Variants in AGO1 observed in about 807,000 individuals in gnomAD.
AGO1 encodes the protein protein argonaute-1.
A neutral mutation model predicts 109.2 loss-of-function variants in AGO1; 11 were observed. That is an observed-to-expected ratio of 0.10 (90% confidence interval 0.06 to 0.17). The LOEUF (loss-of-function observed/expected upper bound fraction) is 0.17, where lower values mean the gene tolerates loss of function less well. Among genes scored for constraint, AGO1 ranks in the 10% least tolerant of loss-of-function variants. AGO1 has a pLI of 1.00. For synonymous variants in AGO1, 422 were observed against 418.6 expected, an observed-to-expected ratio of 1.01 and a Z score of -0.10; for missense variants, 574 against 1,140.3, an observed-to-expected ratio of 0.50 and a Z score of 7.15.
intron 12 of AGO1, among the ~76,000 whole-genome samples, chr1:35,912,238 A>G (rs1041200319): frequency 2.6e-5 from 4 of 151,820 alleles, no homozygotes; most frequent in Non-Finnish European, 4.4e-5. Context: ...GGGCACCTGT[A>G]GTCCCAGCTA....
At chr1:35,907,779 A>G (rs1645551233) in intron 12 of AGO1, among the ~76,000 whole-genome samples, 1 of 152,096 alleles carries the variant, frequency 6.6e-6, no homozygotes, top group Admixed American at 6.5e-5. Context: ...CCTAATGCAC[A>G]TTACCACAAT....
At chr1:35,886,797 A>G (rs1352561980) in intron 1 of AGO1, among the ~76,000 whole-genome samples, 1 of 152,028 alleles carries the variant, frequency 6.6e-6, no homozygotes, top group African/African-American at 2.4e-5. Context: ...ATGTTTGTTC[A>G]TTCATTTCAT....
rs2274261 is a variant in AGO1 at position 35,894,287 on chromosome 1, G to A, written c.785-28G>A. 8.7e-6 allele frequency: 14 copies of A among 1,613,348 alleles called. No individual in the cohort carries two copies. In the East Asian group the frequency reaches 3.1e-4, roughly 36 times the overall value. ...CTGGGCACATGAGCAACCTATTTTA[G>A]CCCTGACAAGCAGTGTGTGTATCTC... On this transcript the variant is annotated intron_variant, in intron 6 of 18. Coordinates refer to ENST00000373204, the MANE Select transcript of AGO1 (RefSeq NM_012199.5).
In AGO1 at chr1:35,928,094, G is replaced by A. The variant is rs1011523316; in HGVS notation, c.*8487G>A. On this transcript the variant is annotated 3_prime_UTR_variant, in exon 19 of 19. Coordinates refer to ENST00000373204, the MANE Select transcript of AGO1 (RefSeq NM_012199.5). ...AATAATAGCGGCAGCAGGGAGGGAA[G>A]TGTGAACTGTGTGTCCCTGAGCCTG... The A allele has an allele frequency of 6.6e-6, 1 of 152,230 alleles. No homozygotes were observed. Among genetic ancestry groups the A allele is most frequent in the Non-Finnish European group, 1.5e-5 (1 of 68,052 alleles). The allele number at this position is 152,230 out of a possible 1,614,324, so 9.4% of individuals were successfully genotyped here.
chr1:35,915,768 G>GTTCA (rs1557622303), intron 15 of AGO1, among the ~76,000 whole-genome samples: 1 of 152,176 alleles, frequency 6.6e-6, no homozygotes, highest in East Asian at 1.9e-4. Flanking sequence ...TAAGTAGTTG[G>GTTCA]TTCATGTTGG....
At position 35,892,553 on chromosome 1, in the gene AGO1, A is replaced by G; in HGVS notation, c.210-4A>G. 6.2e-7 allele frequency: 1 copy of G among 1,614,240 alleles called. No individual in the cohort carries two copies. Among genetic ancestry groups the G allele is most frequent in the East Asian group, 2.2e-5 (1 of 44,892 alleles). ...CTTCCACAGGCCACTCCTATCCCCCACAGGGAAGTGGTGGAATACATGGTC... is the reference window on the plus strand; with the variant it reads ...CTTCCACAGGCCACTCCTATCCCCCGCAGGGAAGTGGTGGAATACATGGTC... On this transcript the variant is annotated splice_polypyrimidine_tract_variant and splice_region_variant and intron_variant, in intron 2 of 18. Coordinates refer to ENST00000373204, the MANE Select transcript of AGO1 (RefSeq NM_012199.5).
chr1:35,926,643 T>G lies in AGO1; in HGVS notation c.*7036T>G, dbSNP rs905225551. 6.6e-6 allele frequency: 1 copy of G among 152,226 alleles called. No homozygotes were observed. The highest frequency in any genetic ancestry group is 1.5e-5 in the Non-Finnish European group (1 of 68,048). 9.4% of individuals were successfully genotyped at this position (152,226 alleles called of 1,614,324 possible). Reference sequence around the variant, plus strand: ...TTAGCTCACCATTTTTGTTCTAGCTTTGCAGACATTTATTCCTCTGATGAT... The same window carrying G: ...TTAGCTCACCATTTTTGTTCTAGCTGTGCAGACATTTATTCCTCTGATGAT... On this transcript the variant is annotated 3_prime_UTR_variant, in exon 19 of 19. Coordinates refer to ENST00000373204, the MANE Select transcript of AGO1 (RefSeq NM_012199.5).
chr1:35,872,601 G>A (rs965551996), intron 1 of AGO1, among the ~76,000 whole-genome samples: 3 of 147,818 alleles, frequency 2.0e-5, no homozygotes, highest in Non-Finnish European at 4.5e-5. Context: ...GAGACAGGGT[G>A]TGGCTCTGTC....
chr1:35,930,003 T>G lies in AGO1; in HGVS notation c.*10396T>G, dbSNP rs1000280959. On this transcript the variant is annotated 3_prime_UTR_variant, in exon 19 of 19. Transcript: ENST00000373204. ...TCCTTTTCCTCTTTAAAAAATTATT[T>G]TGATTAAAAAAAACCGTATTACTGA... The G allele has an allele frequency of 6.6e-6, 1 of 152,122 alleles. No homozygotes were observed. Among genetic ancestry groups the G allele is most frequent in the African/African-American group, 2.4e-5 (1 of 41,414 alleles). 9.4% of individuals were successfully genotyped at this position (152,122 alleles called of 1,614,324 possible).
At chr1:35,870,339 A>T (rs535143829) in intron 1 of AGO1, among the ~76,000 whole-genome samples, 6 of 151,544 alleles carry the variant, frequency 4.0e-5, no homozygotes, top group Admixed American at 3.9e-4. Flanking sequence ...GCTGGGGTGC[A>T]GTGGCGCCAT....
In AGO1 at chr1:35,924,575, T is replaced by C. The variant is rs1302643848; in HGVS notation, c.*4968T>C. On this transcript the variant is annotated 3_prime_UTR_variant, in exon 19 of 19. Coordinates refer to ENST00000373204, the MANE Select transcript of AGO1 (RefSeq NM_012199.5). ...TGATTAGCCAAATAGTCCCCTGGCA[T>C]AGGAGGAAGATAATGAGGGAGTGGA... 1 of 151,970 alleles carries C rather than the reference T, an allele frequency of 6.6e-6. No individual in the cohort carries two copies. Among genetic ancestry groups the C allele is most frequent in the East Asian group, 1.9e-4 (1 of 5,182 alleles). The allele number at this position is 151,970 out of a possible 1,614,324, so 9.4% of individuals were successfully genotyped here.
chr1:35,923,403 CAT>C lies in AGO1; in HGVS notation c.*3797_*3798del, dbSNP rs1476204564. On this transcript the variant is annotated 3_prime_UTR_variant, in exon 19 of 19. Coordinates refer to ENST00000373204, the MANE Select transcript of AGO1 (RefSeq NM_012199.5). ...GGTGGGACAGTTTTGGACCTGGAAT[CAT>C]GTGTAACTAACAAGGTTGGACGTTT... 1 of 152,452 alleles carries C rather than the reference CAT, an allele frequency of 6.6e-6. No homozygotes were observed. Among genetic ancestry groups the C allele is most frequent in the African/African-American group, 2.4e-5 (1 of 41,454 alleles). 9.4% of individuals were successfully genotyped at this position (152,452 alleles called of 1,614,324 possible).
intron 12 of AGO1, among the ~76,000 whole-genome samples, chr1:35,908,091 C>T (rs1198211571): frequency 6.6e-6 from 1 of 152,184 alleles, no homozygotes; most frequent in Non-Finnish European, 1.5e-5. Flanking sequence ...ATAGTGAGAC[C>T]TTGTCTCAAA....
intron 2 of AGO1, among the ~76,000 whole-genome samples, chr1:35,891,466 T>C (rs958692788): frequency 2.0e-5 from 3 of 152,238 alleles, no homozygotes; most frequent in African/African-American, 7.2e-5. Flanking sequence ...TCTACCTTTT[T>C]TGCTTATCAG....
At position 35,912,934 on chromosome 1, in the gene AGO1, TACTC is replaced by T. The variant is rs369723407; in HGVS notation, c.1583-905_1583-902del. On this transcript the variant is annotated intron_variant, in intron 12 of 18. Transcript: ENST00000373204. ...TATCCATAAAAATTTTCTTTTCCCT[TACTC>T]ACACATGTAGTCTATAACTTGAGTC... Among the ~76,000 whole-genome samples the T allele has an allele frequency of 2.6e-3, 391 of 152,226 alleles. 1 individual carries two copies. Among genetic ancestry groups the T allele is most frequent in the African/African-American group, 8.4e-3 (350 of 41,546 alleles).
intron 2 of AGO1, among the ~76,000 whole-genome samples, chr1:35,892,008 A>G (rs937816568): frequency 1.3e-5 from 2 of 151,800 alleles, no homozygotes; most frequent in African/African-American, 4.8e-5. Context: ...CTCCCAAACA[A>G]CTGGGATTAT....
rs1438787912 is a variant in AGO1 at position 35,922,859 on chromosome 1, C to A, written c.*3252C>A. The A allele has an allele frequency of 5.9e-5, 9 of 152,406 alleles. No homozygotes were observed. The highest frequency in any genetic ancestry group is 2.2e-4 in the African/African-American group (9 of 41,460). The allele number at this position is 152,406 out of a possible 1,614,324, so 9.4% of individuals were successfully genotyped here. A position where few individuals can be genotyped will look rare whatever the true frequency, so the allele number is the denominator to read the frequency against. ...TGGCATTTTCCACACCTGTCCACTC[C>A]TTGGAGCTGGTTTCTCTCATTGCTT... On this transcript the variant is annotated 3_prime_UTR_variant, in exon 19 of 19. Transcript: ENST00000373204.
At chr1:35,910,383 T>A (rs1645610334) in intron 12 of AGO1, among the ~76,000 whole-genome samples, 1 of 151,790 alleles carries the variant, frequency 6.6e-6, no homozygotes, top group Non-Finnish European at 1.5e-5. Context: ...TCCACTAAAC[T>A]GATATTATTG....
At chr1:35,902,692 C>G (rs1292027020) in intron 11 of AGO1, among the ~76,000 whole-genome samples, 1 of 152,168 alleles carries the variant, frequency 6.6e-6, no homozygotes, top group Non-Finnish European at 1.5e-5. Flanking sequence ...CTTATTTCAT[C>G]TTTACAGTGA....
Sources: allele counts gnomAD v4.1 joint callset (sites outside exome capture counted in the v4.1 genomes callset), GRCh38; gene constraint gnomAD v4.1.1; transcripts MANE v1.5; gene names NCBI Gene and HGNC (gene_info 2026-07-23, HGNC 2026-07-21).